SYNPR: variants seen among roughly 807,000 people sequenced by gnomAD.
The protein encoded by SYNPR is synaptoporin.
Under a neutral mutation model 32.9 loss-of-function variants are expected in SYNPR, and 23 were observed. The observed-to-expected ratio is 0.70, with a 90% CI of 0.50 to 0.99. The LOEUF (loss-of-function observed/expected upper bound fraction) is 0.99, where lower values mean the gene tolerates loss of function less well. Among genes scored for constraint, SYNPR ranks in the 50% least tolerant of loss-of-function variants. SYNPR has a pLI of 0.00. For synonymous variants in SYNPR, 146 were observed against 135.9 expected (o/e 1.07, Z -0.52); for missense variants, 318 against 349.3 (o/e 0.91, Z 0.71).
chr3:63,462,071 A>G (rs1700593797), intron 2 of SYNPR, among the ~76,000 whole-genome samples: 1 of 152,048 alleles, frequency 6.6e-6, no homozygotes, highest in South Asian at 2.1e-4. Context: ...CACTGCAGCC[A>G]CAGTAGCTTC....
intron 3 of SYNPR, among the ~76,000 whole-genome samples, chr3:63,481,979 A>G (rs981786200): frequency 2.0e-5 from 3 of 152,046 alleles, no homozygotes; most frequent in Non-Finnish European, 4.4e-5. Context: ...TCAATCTCTC[A>G]AGATTTAAAA....
At chr3:63,402,415 G>A (rs1303230981) in intron 2 of SYNPR, among the ~76,000 whole-genome samples, 1 of 152,176 alleles carries the variant, frequency 6.6e-6, no homozygotes, top group Non-Finnish European at 1.5e-5. Flanking sequence ...AATTCAATAT[G>A]AATTCTAGTT....
At chr3:63,407,112 G>A (rs1272581225) in intron 2 of SYNPR, among the ~76,000 whole-genome samples, 3 of 152,140 alleles carry the variant, frequency 2.0e-5, no homozygotes, top group African/African-American at 7.2e-5. Context: ...GATCAAACAT[G>A]TACCTGGTGG....
chr3:63,604,649 T>C lies in SYNPR; in HGVS notation c.409-4476T>C, dbSNP rs150218817. Among the ~76,000 whole-genome samples, 743 of 152,342 alleles carry C rather than the reference T, an allele frequency of 4.9e-3. 7 individuals are homozygous for C. The highest frequency in any genetic ancestry group is 0.017 in the African/African-American group (711 of 41,582). On this transcript the variant is annotated intron_variant, in intron 4 of 5. Coordinates refer to ENST00000478300, the MANE Select transcript of SYNPR (RefSeq NM_001130003.2). ...TTTAATTTCCATCCAATTGTATTAT[T>C]TTGAGTGATTTTCTTAGCACTGATT...
At chr3:63,533,206 T>C (rs1702141041) in intron 3 of SYNPR, among the ~76,000 whole-genome samples, 1 of 152,188 alleles carries the variant, frequency 6.6e-6, no homozygotes, top group Non-Finnish European at 1.5e-5. Context: ...TAGACATTTA[T>C]TGAAGAACTG....
intron 3 of SYNPR, among the ~76,000 whole-genome samples, chr3:63,547,309 T>C (rs1239223573): frequency 2.0e-5 from 3 of 152,020 alleles, no homozygotes; most frequent in Non-Finnish European, 4.4e-5. Flanking sequence ...GCAACCTGAG[T>C]CCAATTGCTG....
intron 2 of SYNPR, among the ~76,000 whole-genome samples, chr3:63,284,104 G>A (rs2086658330): frequency 6.6e-6 from 1 of 152,128 alleles, no homozygotes; most frequent in African/African-American, 2.4e-5. Context: ...TACCATGCCC[G>A]ACCCACAGGT....
At chr3:63,205,912 T>C in the SYNPR span, among the ~76,000 whole-genome samples, 26 of 152,346 alleles carry the variant, frequency 1.7e-4, no homozygotes, top group South Asian at 5.4e-3. Flanking sequence ...AATACAGCGG[T>C]GAAAATCTAC....
the SYNPR span, among the ~76,000 whole-genome samples, chr3:63,205,229 T>C: frequency 6.6e-6 from 1 of 152,218 alleles, no homozygotes; most frequent in South Asian, 2.1e-4. Flanking sequence ...CATTCTATTG[T>C]ATCCCTAACA....
chr3:63,372,231 A>G lies in SYNPR; in HGVS notation c.84+93489A>G, dbSNP rs576986564. Among the ~76,000 whole-genome samples, 5 of 152,192 alleles carry G rather than the reference A, an allele frequency of 3.3e-5. No homozygotes were observed. In the East Asian group the frequency reaches 9.7e-4, roughly 30 times the overall value. ...CCAGCATGACACAGTCACCATAGAC[A>G]AGAGTCCAGTCACTCCTCCCTGTGA... On this transcript the variant is annotated intron_variant, in intron 2 of 5. Transcript: ENST00000478300.
chr3:63,504,592 T>C (rs1373295056), intron 3 of SYNPR, among the ~76,000 whole-genome samples: 1 of 152,120 alleles, frequency 6.6e-6, no homozygotes, highest in Non-Finnish European at 1.5e-5. Flanking sequence ...ATTGCTAAAA[T>C]GCTATGCATT....
At chr3:63,286,029 A>C (rs2086677112) in intron 2 of SYNPR, among the ~76,000 whole-genome samples, 1 of 152,180 alleles carries the variant, frequency 6.6e-6, no homozygotes. Flanking sequence ...AACTTTTTGC[A>C]AGTTAAAGTC....
chr3:63,533,344 A>C (rs1186365519), intron 3 of SYNPR, among the ~76,000 whole-genome samples: 1 of 152,200 alleles, frequency 6.6e-6, no homozygotes, highest in Non-Finnish European at 1.5e-5. Context: ...AGATTCTGGA[A>C]TTTAGAAGGA....
intron 2 of SYNPR, among the ~76,000 whole-genome samples, chr3:63,447,705 C>T (rs1468634438): frequency 6.6e-6 from 1 of 151,860 alleles, no homozygotes; most frequent in Non-Finnish European, 1.5e-5. Context: ...CTCCACTCTG[C>T]AGACTAATGG....
intron 2 of SYNPR, among the ~76,000 whole-genome samples, chr3:63,338,787 T>C (rs2087326346): frequency 6.6e-6 from 1 of 152,222 alleles, no homozygotes; most frequent in African/African-American, 2.4e-5. Flanking sequence ...CACTATGCTG[T>C]TCACAGGTTT....
chr3:63,557,370 C>T (rs1046616114), intron 4 of SYNPR, among the ~76,000 whole-genome samples: 3 of 152,024 alleles, frequency 2.0e-5, no homozygotes, highest in African/African-American at 7.2e-5. Context: ...CCGAGAATGC[C>T]CTGTATCTAA....
intron 3 of SYNPR, among the ~76,000 whole-genome samples, chr3:63,533,334 A>G (rs919476810): frequency 1.3e-5 from 2 of 152,178 alleles, no homozygotes; most frequent in South Asian, 4.1e-4. Flanking sequence ...AATACTTAAG[A>G]GATTCTGGAA....
At chr3:63,527,461 G>T (rs185051188) in intron 3 of SYNPR, among the ~76,000 whole-genome samples, 8 of 152,092 alleles carry the variant, frequency 5.3e-5, no homozygotes, top group Admixed American at 5.2e-4. Flanking sequence ...GCCCTAATTT[G>T]CATTAATGGG....
At chr3:63,260,212 A>C (rs1170927964) in intron 2 of SYNPR, among the ~76,000 whole-genome samples, 1 of 152,214 alleles carries the variant, frequency 6.6e-6, no homozygotes, top group Admixed American at 6.5e-5. Flanking sequence ...CAGAATTGGA[A>C]AAAACTACTT....
Sources: gnomAD v4.1 joint callset for allele counts (sites outside exome capture counted in the v4.1 genomes callset) on GRCh38, gnomAD v4.1.1 for gene constraint, MANE v1.5 for transcripts, NCBI Gene and HGNC (gene_info 2026-07-23, HGNC 2026-07-21) for gene names.